TMEM123: variants seen among roughly 807,000 people sequenced by gnomAD.
TMEM123 encodes the protein transmembrane protein 123, also known as porimin.
A neutral mutation model predicts 19.7 loss-of-function variants in TMEM123; 16 were observed. That is an observed-to-expected ratio of 0.81 (90% CI 0.55 to 1.23). The LOEUF is 1.23. Among genes scored for constraint, TMEM123 ranks in the 50% most tolerant of loss-of-function variants. TMEM123 has a pLI of 0.00. For synonymous variants in TMEM123, 118 were observed against 99.4 expected (o/e 1.19, Z -1.12); for missense variants, 313 against 257.8 (o/e 1.21, Z -1.47).
chr11:102,424,682 T>C (rs1001639107), intron 2 of TMEM123, among the ~76,000 whole-genome samples: 39 of 151,376 alleles, frequency 2.6e-4, no homozygotes, highest in African/African-American at 8.2e-4. Context: ...GAGCAAGACC[T>C]TGTCTCAAAA....
intron 2 of TMEM123, among the ~76,000 whole-genome samples, chr11:102,418,256 A>G (rs901191541): frequency 6.6e-6 from 1 of 152,202 alleles, no homozygotes; most frequent in African/African-American, 2.4e-5. Flanking sequence ...GAAAACCTAT[A>G]GAATGGGAGA....
chr11:102,422,308 T>C (rs1297241374), intron 2 of TMEM123, among the ~76,000 whole-genome samples: 2 of 152,128 alleles, frequency 1.3e-5, no homozygotes, highest in Non-Finnish European at 2.9e-5. Context: ...ACCTTGTCTC[T>C]ACTAAAGAAT....
chr11:102,403,670 T>G (rs746245586), intron 2 of TMEM123, among the ~76,000 whole-genome samples: 1 of 152,218 alleles, frequency 6.6e-6, no homozygotes, highest in South Asian at 2.1e-4. Context: ...ATATTGAAAT[T>G]TGATCTCCAA....
chr11:102,449,023 A>G lies in TMEM123; in HGVS notation c.101-155T>C, dbSNP rs1030165784. Reference sequence around the variant, plus strand: ...ACTTTGGCCCCTGTTGTTATGAAACATATCTTGAAGCTGTCAGTAAAAGGG... The same window carrying G: ...ACTTTGGCCCCTGTTGTTATGAAACGTATCTTGAAGCTGTCAGTAAAAGGG... On this transcript the variant is annotated intron_variant, in intron 1 of 4. Transcript: ENST00000398136. The G allele has an allele frequency of 2.3e-5, 16 of 684,350 alleles. No homozygotes were observed. In the Admixed American group the frequency reaches 3.2e-4, roughly 14 times the overall value. The allele number at this position is 684,350 out of a possible 1,614,324, so 42.4% of individuals were successfully genotyped here. A position where few individuals can be genotyped will look rare whatever the true frequency, so the allele number is the denominator to read the frequency against.
chr11:102,426,864 C>CCA (rs1182469951), intron 2 of TMEM123, among the ~76,000 whole-genome samples: 1 of 57,668 alleles, frequency 1.7e-5, no homozygotes, highest in Non-Finnish European at 3.6e-5. Flanking sequence ...GTAGTTCCCC[C>CCA]CCCCCCCCCA....
chr11:102,449,749 A>T (rs191580111), intron 1 of TMEM123, among the ~76,000 whole-genome samples: 34 of 152,362 alleles, frequency 2.2e-4, no homozygotes, highest in Non-Finnish European at 4.0e-4. Flanking sequence ...AGCAGCAGAT[A>T]GCAAACAATT....
chr11:102,402,122 G>A lies in TMEM123; in HGVS notation c.242C>T (p.Ser81Phe). ...VKPPTSVASD[S>F]SNTTVTTMKP... ...CATGGTGGTGACCGTTGTATTACTG[G>A]AGTCTGAGGCAACTGAAGTTGGTGG... is the stretch of plus-strand genomic sequence containing the variant. The change falls in exon 3 of 5, where the codon TCC becomes TTC. Residue 81 changes from serine to phenylalanine, a missense_variant. Physicochemically the swap from Ser to Phe is radical, Grantham distance 155. Transcript: ENST00000398136. 6.2e-7 allele frequency: 1 copy of A among 1,614,154 alleles called. No individual in the cohort carries two copies. Among genetic ancestry groups the A allele is most frequent in the Non-Finnish European group, 8.5e-7 (1 of 1,180,026 alleles).
In TMEM123 at chr11:102,452,472, G is replaced by A. The variant is rs1276793253; in HGVS notation, c.100+52C>T. The A allele has an allele frequency of 4.4e-6, 6 of 1,361,828 alleles. No individual in the cohort carries two copies. In the Admixed American group the frequency reaches 8.6e-5, roughly 20 times the overall value. 84.4% of individuals were successfully genotyped at this position (1,361,828 alleles called of 1,614,324 possible). Reference sequence around the variant, plus strand: ...AGCCCAACTTGGGAACCCAAGCCTCGGCAGCGCGCTGCCTCCCACGAACGG... The same window carrying A: ...AGCCCAACTTGGGAACCCAAGCCTCAGCAGCGCGCTGCCTCCCACGAACGG... On this transcript the variant is annotated intron_variant, in intron 1 of 4. Transcript: ENST00000398136.
Position 102,398,345 on chromosome 11 carries a change from C to CA in TMEM123, c.*521dup, listed in dbSNP as rs1354576526. The CA allele has an allele frequency of 5.3e-6, 2 of 376,134 alleles. No homozygotes were observed. Among genetic ancestry groups the CA allele is most frequent in the Non-Finnish European group, 9.4e-6 (2 of 212,960 alleles). The allele number at this position is 376,134 out of a possible 1,614,324, so 23.3% of individuals were successfully genotyped here. A position where few individuals can be genotyped will look rare whatever the true frequency, so the allele number is the denominator to read the frequency against. On this transcript the variant is annotated 3_prime_UTR_variant, in exon 5 of 5. Transcript: ENST00000398136. ...AGACCAACTACTACAGTTTAAAGCA[C>CA]AAAAAATGTTGATGTTTTTCTTAAA... is the stretch of plus-strand genomic sequence containing the variant.
chr11:102,425,839 T>C (rs1363175178), intron 2 of TMEM123, among the ~76,000 whole-genome samples: 2 of 152,134 alleles, frequency 1.3e-5, no homozygotes, highest in Non-Finnish European at 2.9e-5. Flanking sequence ...CCCAAAGAGC[T>C]GGAATTACAG....
intron 2 of TMEM123, among the ~76,000 whole-genome samples, chr11:102,440,564 A>C (rs1014470932): frequency 2.6e-5 from 4 of 152,348 alleles, no homozygotes; most frequent in Non-Finnish European, 5.9e-5. Context: ...TAAACATGGA[A>C]AGGAACAACC....
chr11:102,436,086 T>A (rs749888607), intron 2 of TMEM123, among the ~76,000 whole-genome samples: 2 of 151,882 alleles, frequency 1.3e-5, no homozygotes, highest in Non-Finnish European at 2.9e-5. Flanking sequence ...AAAAAATGCA[T>A]GAAGTTTCCT....
In TMEM123 at chr11:102,435,864, G is replaced by T. The variant is rs560372555; in HGVS notation, c.157+12948C>A. On this transcript the variant is annotated intron_variant, in intron 2 of 4. Transcript: ENST00000398136. ...GATTTGTGGTTGCTTAGGGCTGGTG[G>T]GGGAACAGCAGGTAGGATAAGGGGG... Among the ~76,000 whole-genome samples the T allele has an allele frequency of 2.0e-3, 299 of 151,912 alleles. 7 individuals are homozygous for T. Among genetic ancestry groups the T allele is most frequent in the Non-Finnish European group, 3.4e-3 (233 of 67,848 alleles).
intron 2 of TMEM123, among the ~76,000 whole-genome samples, chr11:102,435,504 T>C (rs564715414): frequency 6.6e-6 from 1 of 152,084 alleles, no homozygotes; most frequent in Non-Finnish European, 1.5e-5. Flanking sequence ...TAAAATGGTG[T>C]AGCTACTTTG....
intron 2 of TMEM123, among the ~76,000 whole-genome samples, chr11:102,407,309 G>A (rs1349236016): frequency 6.6e-6 from 1 of 152,170 alleles, no homozygotes; most frequent in Non-Finnish European, 1.5e-5. Flanking sequence ...GTATTATTCT[G>A]GACAGGAGCT....
At chr11:102,418,020 G>T (rs571000440) in intron 2 of TMEM123, among the ~76,000 whole-genome samples, 1 of 151,270 alleles carries the variant, frequency 6.6e-6, no homozygotes, top group Non-Finnish European at 1.5e-5. Context: ...AGACTTAAAT[G>T]TAAAACCTAA....
At position 102,416,315 on chromosome 11, in the gene TMEM123, A is replaced by G. The variant is rs532307389; in HGVS notation, c.158-14109T>C. ...AGCCAAATAAACACAATCAGAAATG[A>G]TAAAGGAAACATTACCACCAACCCT... On this transcript the variant is annotated intron_variant, in intron 2 of 4. Coordinates refer to ENST00000398136, the MANE Select transcript of TMEM123 (RefSeq NM_052932.3). 2.0e-4 allele frequency among the ~76,000 whole-genome samples: 30 copies of G among 152,352 alleles called. No homozygotes were observed. The South Asian group carries it at 3.9e-3, about 20-fold the overall frequency.
chr11:102,415,261 T>C (rs1952035075), intron 2 of TMEM123, among the ~76,000 whole-genome samples: 1 of 152,148 alleles, frequency 6.6e-6, no homozygotes, highest in African/African-American at 2.4e-5. Context: ...CCACTGACAG[T>C]ATTAGACAGA....
At chr11:102,424,090 G>A (rs527455879) in intron 2 of TMEM123, among the ~76,000 whole-genome samples, 1 of 152,124 alleles carries the variant, frequency 6.6e-6, no homozygotes, top group Non-Finnish European at 1.5e-5. Context: ...CAAATTGAGG[G>A]AGGAGTGGGC....
Sources: allele counts gnomAD v4.1 joint callset (sites outside exome capture counted in the v4.1 genomes callset), GRCh38; gene constraint gnomAD v4.1.1; transcripts MANE v1.5; gene names NCBI Gene and HGNC (gene_info 2026-07-23, HGNC 2026-07-21).